MAPK10: variants seen among roughly 807,000 people sequenced by gnomAD.
The protein encoded by MAPK10 is JNK3 alpha protein kinase.
Under a neutral mutation model 59.3 loss-of-function variants are expected in MAPK10, and 25 were observed. The ratio of observed to expected loss-of-function variants is 0.42; its 90% CI spans 0.31 to 0.59. The LOEUF is 0.59. MAPK10 is among the 20% of genes least tolerant of loss of function. MAPK10 has a pLI of 0.15. For synonymous variants in MAPK10, 190 were observed against 200.5 expected, an observed-to-expected ratio of 0.95 and a Z score of 0.44; for missense variants, 351 against 568.9, an observed-to-expected ratio of 0.62 and a Z score of 3.90.
chr4:86,346,304 T>C (rs1306648387), intron 2 of MAPK10, among the ~76,000 whole-genome samples: 1 of 152,180 alleles, frequency 6.6e-6, no homozygotes, highest in Non-Finnish European at 1.5e-5. Flanking sequence ...ACCCGTTATA[T>C]AAAATGGTAG....
chr4:86,421,190 G>A (rs1162631881), intron 1 of MAPK10, among the ~76,000 whole-genome samples: 2 of 152,068 alleles, frequency 1.3e-5, no homozygotes, highest in Non-Finnish European at 2.9e-5. Context: ...TCAATCTTGT[G>A]GGTCATTTCC....
At chr4:86,507,005 A>C (rs1323382749) in intron 1 of MAPK10, among the ~76,000 whole-genome samples, 3 of 152,176 alleles carry the variant, frequency 2.0e-5, no homozygotes, top group Admixed American at 6.5e-5. Context: ...AAATTTATCT[A>C]ATTGATGTAT....
chr4:86,206,856 G>T (rs1331856366), intron 2 of MAPK10, among the ~76,000 whole-genome samples: 1 of 152,180 alleles, frequency 6.6e-6, no homozygotes, highest in African/African-American at 2.4e-5. Context: ...TTTGAGAAGT[G>T]TCTGTTCATA....
At chr4:86,272,861 A>G (rs1242853546) in intron 2 of MAPK10, among the ~76,000 whole-genome samples, 1 of 152,068 alleles carries the variant, frequency 6.6e-6, no homozygotes, top group Non-Finnish European at 1.5e-5. Context: ...AGCTAATTAC[A>G]TCATCTGCTG....
intron 4 of MAPK10, among the ~76,000 whole-genome samples, chr4:86,111,809 C>T (rs1295193309): frequency 6.6e-6 from 1 of 152,156 alleles, no homozygotes; most frequent in Non-Finnish European, 1.5e-5. Flanking sequence ...ATAGTACCAG[C>T]TCCTCTTTGC....
At chr4:86,425,773 G>T (rs890590286) in intron 1 of MAPK10, among the ~76,000 whole-genome samples, 3 of 152,210 alleles carry the variant, frequency 2.0e-5, no homozygotes, top group African/African-American at 7.2e-5. Context: ...AGGAGTTCGA[G>T]AGCAGCCTGG....
chr4:86,547,932 C>T (rs1443925587), intron 1 of MAPK10, among the ~76,000 whole-genome samples: 4 of 152,140 alleles, frequency 2.6e-5, no homozygotes, highest in African/African-American at 4.8e-5. Flanking sequence ...CACCAATCAG[C>T]GCCCTGTCAA....
At chr4:86,358,316 G>A (rs1157318216) in intron 1 of MAPK10, 3 of 985,304 alleles carry the variant, frequency 3.0e-6, no homozygotes, top group Non-Finnish European at 3.6e-6. Context: ...CCGACAACTA[G>A]CCGATGAGGG....
intron 13 of MAPK10, chr4:86,028,809 A>G (rs977237838): frequency 4.1e-5 from 11 of 268,450 alleles, no homozygotes; most frequent in Admixed American, 1.5e-4. Context: ...GAAGAGTTCA[A>G]ACACTAAGAA....
At chr4:86,499,617 T>A (rs1237285205) in intron 1 of MAPK10, among the ~76,000 whole-genome samples, 1 of 152,176 alleles carries the variant, frequency 6.6e-6, no homozygotes, top group Non-Finnish European at 1.5e-5. Flanking sequence ...AATCGTTGAT[T>A]TTGCTTGCTT....
At position 86,207,458 on chromosome 4, in the gene MAPK10, G is replaced by T. The variant is rs200966698; in HGVS notation, c.-6-13051C>A. The stretch of plus-strand genomic sequence containing the variant: ...TGTTTTGGTTACTGTAGCCTTGTAG[G>T]ATAGTTTGAAGTCAGGTAGCGTGAT... On this transcript the variant is annotated intron_variant, in intron 2 of 13. Coordinates refer to ENST00000641462, the MANE Select transcript of MAPK10 (RefSeq NM_138982.4). Among the ~76,000 whole-genome samples, 625 of 152,116 alleles carry T rather than the reference G, an allele frequency of 4.1e-3. 8 individuals carry two copies. In the East Asian group the frequency reaches 0.046, roughly 11 times the overall value.
At chr4:86,267,859 A>T (rs556886539) in intron 2 of MAPK10, among the ~76,000 whole-genome samples, 1 of 152,250 alleles carries the variant, frequency 6.6e-6, no homozygotes, top group East Asian at 1.9e-4. Context: ...TTCTGTTTTT[A>T]TATTTATCCA....
At chr4:86,411,870 C>T (rs1053963150) in intron 1 of MAPK10, among the ~76,000 whole-genome samples, 1 of 152,106 alleles carries the variant, frequency 6.6e-6, no homozygotes, top group African/African-American at 2.4e-5. Flanking sequence ...CAGTCTGTGT[C>T]TTTTAATTGG....
chr4:86,517,754 G>A (rs377714488), intron 1 of MAPK10, among the ~76,000 whole-genome samples: 1 of 152,034 alleles, frequency 6.6e-6, no homozygotes, highest in Non-Finnish European at 1.5e-5. Context: ...GCCTCTATCT[G>A]TATCTATTTA....
intron 2 of MAPK10, among the ~76,000 whole-genome samples, chr4:86,232,105 T>C (rs932033420): frequency 1.3e-5 from 2 of 152,208 alleles, no homozygotes; most frequent in Admixed American, 6.5e-5. Flanking sequence ...ACTGTGCCAG[T>C]GTAGCATGAA....
At chr4:86,319,317 A>C (rs936058063) in intron 2 of MAPK10, among the ~76,000 whole-genome samples, 1 of 152,140 alleles carries the variant, frequency 6.6e-6, no homozygotes, top group Non-Finnish European at 1.5e-5. Context: ...TATAGAGAGA[A>C]ACTGCTGAAA....
At chr4:86,485,362 G>A (rs1753910813) in intron 1 of MAPK10, among the ~76,000 whole-genome samples, 1 of 152,076 alleles carries the variant, frequency 6.6e-6, no homozygotes, top group African/African-American at 2.4e-5. Flanking sequence ...TTTGATTAAT[G>A]TCAGACTCCC....
intron 1 of MAPK10, among the ~76,000 whole-genome samples, chr4:86,535,487 C>T (rs2149092962): frequency 6.6e-6 from 1 of 152,232 alleles, no homozygotes; most frequent in African/African-American, 2.4e-5. Flanking sequence ...CTCACTGCAG[C>T]CCTAAACTCT....
At chr4:86,546,290 G>A (rs1251265826) in intron 1 of MAPK10, among the ~76,000 whole-genome samples, 1 of 152,062 alleles carries the variant, frequency 6.6e-6, no homozygotes, top group Non-Finnish European at 1.5e-5. Flanking sequence ...GCTCACGCCT[G>A]TAATCCCAGC....
Sources: gnomAD v4.1 joint callset for allele counts (sites outside exome capture counted in the v4.1 genomes callset) on GRCh38, gnomAD v4.1.1 for gene constraint, MANE v1.5 for transcripts, NCBI Gene and HGNC (gene_info 2026-07-23, HGNC 2026-07-21) for gene names.